The following CDH4 variants were observed in gnomAD, a reference collection of about 807,000 sequenced individuals.
The protein encoded by CDH4 is cadherin-4.
CDH4 carries 33 observed loss-of-function variants against 86.0 expected under a neutral mutation model. That is an observed-to-expected ratio of 0.38 (90% CI 0.29 to 0.51). CDH4 has a LOEUF of 0.51. Among genes scored for constraint, CDH4 ranks in the 20% least tolerant of loss-of-function variants. The pLI is 0.86. For synonymous variants in CDH4, 555 were observed against 549.4 expected (o/e 1.01, Z -0.14); for missense variants, 1,114 against 1,307.4 (o/e 0.85, Z 2.28).
chr20:61,525,613 A>G (rs1287591149), intron 2 of CDH4, among the ~76,000 whole-genome samples: 1 of 152,184 alleles, frequency 6.6e-6, no homozygotes, highest in East Asian at 1.9e-4. Flanking sequence ...CGGATTGATC[A>G]GGTAGCTGCC....
chr20:61,549,736 A>G (rs2086113877), intron 2 of CDH4, among the ~76,000 whole-genome samples: 1 of 152,246 alleles, frequency 6.6e-6, no homozygotes, highest in South Asian at 2.1e-4. Context: ...AGATTGCAGC[A>G]TTAGACAGAG....
At chr20:61,525,334 C>T (rs958253444) in intron 2 of CDH4, among the ~76,000 whole-genome samples, 1 of 152,152 alleles carries the variant, frequency 6.6e-6, no homozygotes, top group Admixed American at 6.5e-5. Context: ...CTGGATTCTG[C>T]AGCACTTCCT....
intron 4 of CDH4, among the ~76,000 whole-genome samples, chr20:61,818,019 T>C (rs1980817674): frequency 6.7e-6 from 1 of 150,252 alleles, no homozygotes; most frequent in South Asian, 2.1e-4. Context: ...TGCACTTTCT[T>C]TTTTTTTTTT....
intron 2 of CDH4, among the ~76,000 whole-genome samples, chr20:61,545,413 T>C (rs2086070658): frequency 6.6e-6 from 1 of 152,246 alleles, no homozygotes. Flanking sequence ...CTTCAGGTCA[T>C]GGCGATCAGT....
chr20:61,764,518 T>C (rs2088675519), intron 3 of CDH4, among the ~76,000 whole-genome samples: 2 of 151,998 alleles, frequency 1.3e-5, no homozygotes, highest in South Asian at 2.1e-4. Context: ...AGAAAGACCA[T>C]GAGACCACCC....
At chr20:61,565,304 CTCT>C (rs1568688912) in intron 2 of CDH4, among the ~76,000 whole-genome samples, 2 of 42,200 alleles carry the variant, frequency 4.7e-5, no homozygotes, top group African/African-American at 1.3e-4. Context: ...GGTGGCGGTG[CTCT>C]TGGTGGTGGC....
At chr20:61,447,524 CTTTTCA>C (rs928951326) in intron 2 of CDH4, among the ~76,000 whole-genome samples, 1 of 151,634 alleles carries the variant, frequency 6.6e-6, no homozygotes, top group Non-Finnish European at 1.5e-5. Context: ...GGAAGTCATG[CTTTTCA>C]GTCTTGTCCC....
Position 61,747,198 on chromosome 20 carries a change from T to C in CDH4, c.396+3409T>C, listed in dbSNP as rs181285659. Among the ~76,000 whole-genome samples the C allele has an allele frequency of 7.3e-3, 1,113 of 152,208 alleles. 17 individuals are homozygous for C. Among genetic ancestry groups the C allele is most frequent in the South Asian group, 0.016 (79 of 4,816 alleles). On this transcript the variant is annotated intron_variant, in intron 3 of 15. Transcript: ENST00000614565. ...GGCTCACGCCTGTAATCTGAGCATT[T>C]TGGGAGGCCGAGGCGGGCGGATCAT...
At chr20:61,774,105 C>G (rs1478762866) in intron 4 of CDH4, among the ~76,000 whole-genome samples, 1 of 152,200 alleles carries the variant, frequency 6.6e-6, no homozygotes, top group African/African-American at 2.4e-5. Context: ...CACACCCCAG[C>G]CAAGGTGACT....
chr20:61,318,377 A>G (rs931357132), intron 2 of CDH4, among the ~76,000 whole-genome samples: 1 of 152,198 alleles, frequency 6.6e-6, no homozygotes, highest in Non-Finnish European at 1.5e-5. Flanking sequence ...GATCCTGTCC[A>G]AGATTTACTG....
At chr20:61,276,510 C>T (rs1211486352) in intron 2 of CDH4, among the ~76,000 whole-genome samples, 1 of 152,212 alleles carries the variant, frequency 6.6e-6, no homozygotes, top group East Asian at 1.9e-4. Context: ...CGCACTTGAG[C>T]AGTGGCTAAA....
At chr20:61,560,970 T>A (rs1307662137) in intron 2 of CDH4, among the ~76,000 whole-genome samples, 1 of 152,200 alleles carries the variant, frequency 6.6e-6, no homozygotes, top group Non-Finnish European at 1.5e-5. Context: ...GATGAGCAGA[T>A]GACCAGGCAG....
intron 2 of CDH4, among the ~76,000 whole-genome samples, chr20:61,712,584 C>T (rs1328212875): frequency 6.6e-6 from 1 of 152,182 alleles, no homozygotes; most frequent in Non-Finnish European, 1.5e-5. Flanking sequence ...CTCCCCTTCT[C>T]TCCAGCTTAA....
intron 2 of CDH4, among the ~76,000 whole-genome samples, chr20:61,691,935 G>A (rs1456350392): frequency 1.3e-5 from 2 of 152,214 alleles, no homozygotes; most frequent in Non-Finnish European, 2.9e-5. Flanking sequence ...ACCCATGACA[G>A]CCTACTGAGC....
chr20:61,339,318 G>A (rs1021619706), intron 2 of CDH4, among the ~76,000 whole-genome samples: 1 of 152,178 alleles, frequency 6.6e-6, no homozygotes, highest in Non-Finnish European at 1.5e-5. Context: ...GTCTTCCACT[G>A]ATGGTGATGA....
chr20:61,630,988 C>CT (rs1342124942), intron 2 of CDH4, among the ~76,000 whole-genome samples: 5 of 152,170 alleles, frequency 3.3e-5, no homozygotes, highest in Admixed American at 3.3e-4. Context: ...GTGGGCGTGC[C>CT]CCAGGAAATC....
At chr20:61,874,332 G>A (rs1386103083) in intron 7 of CDH4, among the ~76,000 whole-genome samples, 3 of 152,170 alleles carry the variant, frequency 2.0e-5, no homozygotes, top group African/African-American at 7.2e-5. Context: ...CGGCCTGGCT[G>A]TGACGAAGGG....
At chr20:61,936,367 CCTCCCCTTCCCCCACA>C in intron 15 of CDH4, among the ~76,000 whole-genome samples, 1 of 18,300 alleles carries the variant, frequency 5.5e-5, no homozygotes, top group Admixed American at 5.5e-4. Context: ...CCCCACACCC[CCTCCCCTTCCCCCACA>C]CCCCCTCCCC....
intron 2 of CDH4, among the ~76,000 whole-genome samples, chr20:61,580,137 A>G (rs2086414796): frequency 6.6e-6 from 1 of 150,738 alleles, no homozygotes; most frequent in African/African-American, 2.4e-5. Flanking sequence ...AAAAAAAAGG[A>G]ATCTGTATAA....
Sources: allele counts gnomAD v4.1 joint callset (sites outside exome capture counted in the v4.1 genomes callset), GRCh38; gene constraint gnomAD v4.1.1; transcripts MANE v1.5; gene names NCBI Gene and HGNC (gene_info 2026-07-23, HGNC 2026-07-21).